DSCC1: variants seen among roughly 807,000 people sequenced by gnomAD.
The protein encoded by DSCC1 is sister chromatid cohesion protein DCC1.
In DSCC1, 32 loss-of-function variants were observed where a neutral mutation model predicts 48.2. The observed-to-expected ratio is 0.66, with a 90% CI of 0.50 to 0.89. DSCC1 has a LOEUF of 0.89. DSCC1 is among the 40% of genes least tolerant of loss of function. The pLI, the probability that DSCC1 is intolerant of heterozygous loss-of-function variation, is 0.00. For missense variants in DSCC1, 421 were observed against 471.7 expected (o/e 0.89, Z 1.00); for synonymous variants, 150 against 171.5 (o/e 0.87, Z 0.98).
At chr8:119,836,205 T>G (rs143919259) in intron 8 of DSCC1, among the ~76,000 whole-genome samples, 1 of 152,024 alleles carries the variant, frequency 6.6e-6, no homozygotes, top group South Asian at 2.1e-4. Flanking sequence ...CCCAGCTACT[T>G]GGGAGGCTAA....
rs1313462162 is a variant in DSCC1 at position 119,855,684 on chromosome 8, C to G, written c.112G>C (p.Ala38Pro). Residue 38 changes from alanine (A) to proline (P), a missense_variant, in exon 1 of 9, where the codon GCT becomes CCT. By Grantham distance (27) the Ala-to-Pro change is conservative (BLOSUM62 -1). This residue lies in a region of DSCC1 where 174 missense variants were observed against 184.5 expected (regional missense o/e 0.94). Transcript: ENST00000313655. ...AGCAGGCAGAAGTCGCCGGCTGCAG[C>G]GCCGCTGGCCCCAGGGCCGAAGCCC... ...CLGFGPGASG[A>P]AAGDFCLLEL... The G allele has an allele frequency of 1.3e-6, 2 of 1,553,172 alleles. No homozygotes were observed. Among genetic ancestry groups the G allele is most frequent in the Non-Finnish European group, 1.7e-6 (2 of 1,149,236 alleles).
chr8:119,854,207 A>C (rs79875522), intron 1 of DSCC1, among the ~76,000 whole-genome samples: 7,006 of 152,200 alleles, frequency 0.046, 267 homozygotes, highest in South Asian at 0.13. Flanking sequence ...TGACAGAGTG[A>C]GACCCTGTTC....
rs1339298544 is a variant in DSCC1, at chr8:119,838,276, ATCT to A, written c.1053_1055del (p.Glu351del). On this transcript the variant is annotated inframe_deletion, in exon 8 of 9. Coordinates refer to ENST00000313655, the MANE Select transcript of DSCC1 (RefSeq NM_024094.3). ...TTACTTACTGAATATATGGAGCAAT[ATCT>A]TCTTCTGTCCACTTCTCCCTTAGAG... 4 of 1,595,646 alleles carry A rather than the reference ATCT, an allele frequency of 2.5e-6. No homozygotes were observed. Among genetic ancestry groups the A allele is most frequent in the Non-Finnish European group, 3.4e-6 (4 of 1,173,772 alleles).
intron 7 of DSCC1, chr8:119,838,829 GT>G (rs1354498045): frequency 6.5e-6 from 1 of 153,002 alleles, no homozygotes; most frequent in Non-Finnish European, 1.5e-5. Context: ...TGCCTCCTGG[GT>G]TCAAGAGAGT....
rs569911040 is a variant in DSCC1, at chr8:119,840,665, A to G, written c.924+1129T>C. ...AGTGGCTCACATCTATAATCTCAGC[A>G]CTTTGGGAGGCCAAGGTGGGCAGAT... On this transcript the variant is annotated intron_variant, in intron 7 of 8. Coordinates refer to ENST00000313655, the MANE Select transcript of DSCC1 (RefSeq NM_024094.3). Among the ~76,000 whole-genome samples, 135 of 152,234 alleles carry G rather than the reference A, an allele frequency of 8.9e-4. 1 individual carries two copies. Among genetic ancestry groups the G allele is most frequent in the African/African-American group, 3.0e-3 (126 of 41,558 alleles).
At chr8:119,843,119 A>ATT (rs11341051) in intron 5 of DSCC1, among the ~76,000 whole-genome samples, 3 of 139,626 alleles carry the variant, frequency 2.1e-5, no homozygotes, top group Non-Finnish European at 3.1e-5. Flanking sequence ...GTTTTATTTT[A>ATT]TTTTTTTTTT....
At position 119,843,693 on chromosome 8, in the gene DSCC1, G is replaced by C; in HGVS notation, c.632C>G (p.Thr211Ser). The C allele has an allele frequency of 6.2e-7, 1 of 1,613,954 alleles. No individual in the cohort carries two copies. Among genetic ancestry groups the C allele is most frequent in the Non-Finnish European group, 8.5e-7 (1 of 1,179,994 alleles). The change falls in exon 5 of 9, where the codon ACT becomes AGT. Residue 211 changes from threonine to serine, a missense_variant. Transcript: ENST00000313655. ...DYEMKLLNHV[T>S]QLVDSESWSF... ...CCATGATTCAGAATCCACAAGCTGA[G>C]TTACATGATTCAGAAGTTTCATCTC...
intron 6 of DSCC1, 49 bp from the exon 7 acceptor site, chr8:119,841,997 T>C (rs768621191): frequency 4.5e-6 from 7 of 1,567,858 alleles, no homozygotes; most frequent in Non-Finnish European, 6.1e-6. Context: ...TACAATTAAA[T>C]ATTATACTAA....
At chr8:119,843,875 C>T (rs892884390) in intron 4 of DSCC1, 128 bp from the exon 5 acceptor site, 23 of 896,480 alleles carry the variant, frequency 2.6e-5, no homozygotes, top group Non-Finnish European at 3.5e-5. Flanking sequence ...CTCCTGGTTT[C>T]AAGCAATTCT....
intron 8 of DSCC1, among the ~76,000 whole-genome samples, chr8:119,835,877 G>A (rs182584565): frequency 7.2e-5 from 11 of 152,328 alleles, no homozygotes; most frequent in Non-Finnish European, 1.0e-4. Context: ...ATAGGAGGAC[G>A]TGAGCTAGAG....
At chr8:119,848,202 A>G (rs929817466) in intron 3 of DSCC1, among the ~76,000 whole-genome samples, 1 of 152,046 alleles carries the variant, frequency 6.6e-6, no homozygotes, top group Non-Finnish European at 1.5e-5. Flanking sequence ...GACTGAAGCA[A>G]TCCTCCTACC....
chr8:119,855,161 G>A (rs1265826149), intron 1 of DSCC1, among the ~76,000 whole-genome samples: 1 of 152,202 alleles, frequency 6.6e-6, no homozygotes, highest in African/African-American at 2.4e-5. Flanking sequence ...GCTTCGGGGT[G>A]GGTAGGGGTC....
At chr8:119,835,536 AC>A (rs1826668392) in intron 8 of DSCC1, among the ~76,000 whole-genome samples, 1 of 152,122 alleles carries the variant, frequency 6.6e-6, no homozygotes, top group African/African-American at 2.4e-5. Context: ...AAAGCAAAAA[AC>A]AAAAACTAGA....
At position 119,835,148 on chromosome 8, in the gene DSCC1, G is replaced by A. The variant is rs1006874344; in HGVS notation, c.1074-147C>T. The A allele has an allele frequency of 4.3e-5, 25 of 580,650 alleles. No individual in the cohort carries two copies. In the East Asian group the frequency reaches 6.2e-4, roughly 14 times the overall value. The allele number at this position is 580,650 out of a possible 1,614,324, so 36.0% of individuals were successfully genotyped here. A position where few individuals can be genotyped will look rare whatever the true frequency, so the allele number is the denominator to read the frequency against. ...GTGTTTGTGGGAGAGATAGGGTGGG[G>A]AGTGGTTCTAAGTTTTAATTAAATT... is the stretch of plus-strand genomic sequence containing the variant. On this transcript the variant is annotated intron_variant, in intron 8 of 8. Transcript: ENST00000313655.
intron 5 of DSCC1, among the ~76,000 whole-genome samples, chr8:119,843,278 C>T (rs1175101142): frequency 1.3e-5 from 2 of 151,820 alleles, no homozygotes; most frequent in African/African-American, 4.8e-5. Context: ...TTAGTAGAGA[C>T]GGGGTTTCAC....
rs188902510 is a variant in DSCC1, at chr8:119,850,704, C to G, written c.352-188G>C. Among the ~76,000 whole-genome samples the G allele has an allele frequency of 3.1e-3, 475 of 152,222 alleles. 5 individuals carry two copies. Among genetic ancestry groups the G allele is most frequent in the African/African-American group, 0.011 (447 of 41,526 alleles). On this transcript the variant is annotated intron_variant, in intron 2 of 8. Coordinates refer to ENST00000313655, the MANE Select transcript of DSCC1 (RefSeq NM_024094.3). Reference sequence around the variant, plus strand: ...ATGGGCATCCTCAAGAACATCTTTTCAAATCCCCTTAATAAGATACTGTCA... The same window carrying G: ...ATGGGCATCCTCAAGAACATCTTTTGAAATCCCCTTAATAAGATACTGTCA...
intron 6 of DSCC1, among the ~76,000 whole-genome samples, chr8:119,842,178 A>C (rs760468422): frequency 1.3e-5 from 2 of 151,658 alleles, no homozygotes; most frequent in Non-Finnish European, 2.9e-5. Context: ...GGTTCAAGTG[A>C]TTCTCCTGTC....
At chr8:119,849,382 G>T (rs1293815388) in intron 3 of DSCC1, among the ~76,000 whole-genome samples, 2 of 152,050 alleles carry the variant, frequency 1.3e-5, no homozygotes, top group African/African-American at 4.8e-5. Context: ...CTCCAGCCTG[G>T]GCAAGAAGAG....
At chr8:119,853,573 C>A (rs751489651) in intron 1 of DSCC1, among the ~76,000 whole-genome samples, 3 of 152,260 alleles carry the variant, frequency 2.0e-5, no homozygotes, top group Non-Finnish European at 2.9e-5. Context: ...CTACAACATG[C>A]TAAAGTGGTA....
Sources: allele counts gnomAD v4.1 joint callset (sites outside exome capture counted in the v4.1 genomes callset), GRCh38; gene constraint gnomAD v4.1.1; regional missense constraint gnomAD v4.1.1; transcripts MANE v1.5; gene names NCBI Gene and HGNC (gene_info 2026-07-23, HGNC 2026-07-21).